The following PPP2R3A variants were observed in gnomAD, a reference collection of about 807,000 sequenced individuals.
PPP2R3A encodes the protein serine/threonine-protein phosphatase 2A regulatory subunit B'' subunit alpha.
In PPP2R3A, 80 loss-of-function variants were observed where a neutral mutation model predicts 106.9. That is an observed-to-expected ratio of 0.75 (90% CI 0.62 to 0.90). PPP2R3A has a LOEUF of 0.90. PPP2R3A is among the 40% of genes least tolerant of loss of function. The probability of loss-of-function intolerance (pLI) is 0.00; values close to 1 mark genes in which losing one functional copy is unlikely to be tolerated. For synonymous variants in PPP2R3A, 483 were observed against 468.3 expected (o/e 1.03, Z -0.41); for missense variants, 1,386 against 1,350.4 (o/e 1.03, Z -0.41).
At chr3:136,069,128 C>T (rs1267448882) in intron 5 of PPP2R3A, among the ~76,000 whole-genome samples, 1 of 152,184 alleles carries the variant, frequency 6.6e-6, no homozygotes, top group Non-Finnish European at 1.5e-5. Flanking sequence ...AGTGGAAAAA[C>T]TAGTGAGATT....
chr3:136,009,691 G>C (rs149974909), intron 2 of PPP2R3A, among the ~76,000 whole-genome samples: 2 of 152,066 alleles, frequency 1.3e-5, no homozygotes. Context: ...TGGGGGTAGG[G>C]CTCAACATTT....
intron 1 of PPP2R3A, among the ~76,000 whole-genome samples, chr3:135,970,429 C>T (rs185250435): frequency 9.9e-5 from 15 of 152,224 alleles, no homozygotes; most frequent in African/African-American, 3.4e-4. Context: ...GTAATTTAAA[C>T]AATATTTGGT....
intron 6 of PPP2R3A, among the ~76,000 whole-genome samples, chr3:136,073,732 A>G (rs1936512570): frequency 6.6e-6 from 1 of 152,244 alleles, no homozygotes; most frequent in Admixed American, 6.5e-5. Flanking sequence ...ATCTGGAAAT[A>G]GAATTGTATT....
At chr3:135,990,172 C>T (rs1013412893) in intron 1 of PPP2R3A, among the ~76,000 whole-genome samples, 20 of 152,142 alleles carry the variant, frequency 1.3e-4, no homozygotes, top group African/African-American at 2.7e-4. Context: ...TACTGCCATC[C>T]GTACCATTCT....
intron 10 of PPP2R3A, among the ~76,000 whole-genome samples, chr3:136,097,328 A>G (rs78230039): frequency 0.048 from 7,336 of 152,278 alleles, 572 homozygotes; most frequent in African/African-American, 0.16. Context: ...TTCAGGGACA[A>G]GTAACTATCC....
chr3:136,111,346 A>G (rs1308413376), intron 13 of PPP2R3A, among the ~76,000 whole-genome samples: 1 of 152,110 alleles, frequency 6.6e-6, no homozygotes, highest in Non-Finnish European at 1.5e-5. Flanking sequence ...AATTTAAGAT[A>G]TTTTCACTAG....
At chr3:136,040,269 A>C (rs1230471175) in intron 3 of PPP2R3A, among the ~76,000 whole-genome samples, 1 of 152,150 alleles carries the variant, frequency 6.6e-6, no homozygotes, top group Non-Finnish European at 1.5e-5. Context: ...GCCAAGTATA[A>C]TGGCTCACGC....
chr3:135,983,311 T>C (rs1397224452), intron 1 of PPP2R3A, among the ~76,000 whole-genome samples: 1 of 152,212 alleles, frequency 6.6e-6, no homozygotes, highest in Non-Finnish European at 1.5e-5. Context: ...TATTTTATGC[T>C]GTGCACTGGC....
At chr3:136,004,066 G>C (rs1933755950) in intron 2 of PPP2R3A, among the ~76,000 whole-genome samples, 1 of 152,180 alleles carries the variant, frequency 6.6e-6, no homozygotes, top group South Asian at 2.1e-4. Flanking sequence ...TGAAAGTATT[G>C]TCATAACAGT....
intron 2 of PPP2R3A, among the ~76,000 whole-genome samples, chr3:136,021,536 A>C (rs1281917750): frequency 1.3e-5 from 2 of 152,278 alleles, no homozygotes; most frequent in East Asian, 3.9e-4. Context: ...AATTTGTAGG[A>C]AACAGTGGAA....
Position 136,113,187 on chromosome 3 carries a change from C to T in PPP2R3A, c.3329+6865C>T, listed in dbSNP as rs1937622280. Among the ~76,000 whole-genome samples the T allele has an allele frequency of 4.7e-5, 3 of 63,858 alleles. No homozygotes were observed. The Admixed American group carries it at 6.2e-4, about 13-fold the overall frequency. The allele number at this position is 63,858 out of a possible 152,430, so 41.9% of individuals were successfully genotyped here. On this transcript the variant is annotated intron_variant, in intron 13 of 13. Coordinates refer to ENST00000264977, the MANE Select transcript of PPP2R3A (RefSeq NM_002718.5). ...AGCAACCCAAAGCAAAACAACAAAGCCAGGAGCATCACACTACCCAATTCA... is the reference window on the plus strand; with the variant it reads ...AGCAACCCAAAGCAAAACAACAAAGTCAGGAGCATCACACTACCCAATTCA...
At chr3:136,063,281 T>G (rs1936144380) in intron 5 of PPP2R3A, among the ~76,000 whole-genome samples, 1 of 152,174 alleles carries the variant, frequency 6.6e-6, no homozygotes. Context: ...TCAAGATGGA[T>G]TAAAGACTTC....
intron 2 of PPP2R3A, among the ~76,000 whole-genome samples, chr3:136,010,959 G>A (rs1216008027): frequency 6.6e-6 from 1 of 152,126 alleles, no homozygotes; most frequent in African/African-American, 2.4e-5. Context: ...ACACTCATTT[G>A]TCTGCTCTTC....
chr3:136,091,249 G>A (rs1319435104), intron 10 of PPP2R3A, among the ~76,000 whole-genome samples: 2 of 152,156 alleles, frequency 1.3e-5, no homozygotes, highest in Non-Finnish European at 2.9e-5. Context: ...GGATGGAGGG[G>A]TTATAGACCT....
At chr3:136,017,344 C>T (rs1412512703) in intron 2 of PPP2R3A, among the ~76,000 whole-genome samples, 2 of 152,198 alleles carry the variant, frequency 1.3e-5, no homozygotes, top group Admixed American at 6.5e-5. Context: ...ATATCTAGAT[C>T]TCTAGCAACG....
At chr3:136,068,041 A>G (rs1248157699) in intron 5 of PPP2R3A, among the ~76,000 whole-genome samples, 6 of 151,400 alleles carry the variant, frequency 4.0e-5, no homozygotes, top group Non-Finnish European at 1.5e-5. Context: ...CCAGGGCAAC[A>G]TGGTGAAACC....
intron 8 of PPP2R3A, among the ~76,000 whole-genome samples, chr3:136,084,687 T>C (rs1936875976): frequency 6.6e-6 from 1 of 152,236 alleles, no homozygotes; most frequent in Non-Finnish European, 1.5e-5. Flanking sequence ...AGCTGTACCC[T>C]ACAAAGGCAC....
chr3:136,145,867 A>C lies in PPP2R3A; in HGVS notation c.*701A>C, dbSNP rs1045051410. 1 of 152,336 alleles carries C rather than the reference A, an allele frequency of 6.6e-6. No individual in the cohort carries two copies. The highest frequency in any genetic ancestry group is 2.4e-5 in the African/African-American group (1 of 41,456). The allele number at this position is 152,336 out of a possible 1,614,324, so 9.4% of individuals were successfully genotyped here. A position where few individuals can be genotyped will look rare whatever the true frequency, so the allele number is the denominator to read the frequency against. On this transcript the variant is annotated 3_prime_UTR_variant, in exon 14 of 14. Transcript: ENST00000264977. ...AAGATAAAAAAACACTTCTTAAATG[A>C]AGTATAGAATTTGACTCATACTTGG... is the stretch of plus-strand genomic sequence containing the variant.
chr3:136,022,415 C>G (rs1576440751), intron 2 of PPP2R3A, among the ~76,000 whole-genome samples: 1 of 152,090 alleles, frequency 6.6e-6, no homozygotes, highest in Non-Finnish European at 1.5e-5. Context: ...ATGAAAGTTT[C>G]TGTTTTTCCT....
Sources: gnomAD v4.1 joint callset for allele counts (sites outside exome capture counted in the v4.1 genomes callset) on GRCh38, gnomAD v4.1.1 for gene constraint, MANE v1.5 for transcripts, NCBI Gene and HGNC (gene_info 2026-07-23, HGNC 2026-07-21) for gene names.